USP40: variants seen among roughly 807,000 people sequenced by gnomAD.
USP40 encodes the protein ubiquitin specific peptidase 40.
Under a neutral mutation model 166.2 loss-of-function variants are expected in USP40, and 143 were observed. The observed-to-expected ratio is 0.86, with a 90% confidence interval of 0.75 to 0.99. The LOEUF is 0.99. Ranked by LOEUF, USP40 falls within the 50% of genes least tolerant of loss-of-function variation. The pLI is 0.00. For synonymous variants in USP40, 498 were observed against 524.0 expected (o/e 0.95, Z 0.68); for missense variants, 1,444 against 1,479.7 (o/e 0.98, Z 0.40).
rs746340562 is a variant in USP40 at position 233,521,040 on chromosome 2, T to G, written c.2276A>C (p.Gln759Pro). Residue 759 changes from glutamine to proline, a missense_variant, in exon 17 of 32, where the codon CAG (glutamine) becomes CCG (proline). Physicochemically the swap from Gln to Pro is moderately conservative, Grantham distance 76. Coordinates refer to ENST00000678225, the MANE Select transcript of USP40 (RefSeq NM_001365479.2). ...IDWLHVKNLCQLESEEKQVKI... is the reference protein window; with the variant it reads ...IDWLHVKNLCPLESEEKQVKI... ...AACTTGCTTCTCTTCAGATTCTAAC[T>G]GGCATAAATTTTTAACGTGGAGCCA... 1 of 1,613,612 alleles carries G rather than the reference T, an allele frequency of 6.2e-7. No individual in the cohort carries two copies. The highest frequency in any genetic ancestry group is 1.7e-5 in the Admixed American group (1 of 60,002).
Position 233,565,501 on chromosome 2 carries a change from A to G in USP40, c.54T>C (p.Tyr18=), listed in dbSNP as rs1335010639. 14 of 1,537,180 alleles carry G rather than the reference A, an allele frequency of 9.1e-6. No individual in the cohort carries two copies. The East Asian group carries it at 3.4e-4, about 37-fold the overall frequency. Residue 18 remains tyrosine (Y), a synonymous_variant, in exon 2 of 32, where the codon TAT becomes TAC. Transcript: ENST00000678225. ...EEYSTVSNNQ[Y]GKGKKLKTKA... ...TAGTCTTTAATTTCTTCCCTTTTCCATACTGATTATTAGACACAGTGGAAT... is the reference window on the plus strand; with the variant it reads ...TAGTCTTTAATTTCTTCCCTTTTCCGTACTGATTATTAGACACAGTGGAAT...
chr2:233,551,830 T>C (rs761001537), intron 6 of USP40, among the ~76,000 whole-genome samples: 5 of 152,246 alleles, frequency 3.3e-5, no homozygotes, highest in Non-Finnish European at 5.9e-5. Context: ...ACCTTCATCC[T>C]TGGTGTCTCC....
At chr2:233,488,105 C>T in intron 28 of USP40, 134 bp downstream of exon 28, 1 of 763,076 alleles carries the variant, frequency 1.3e-6, no homozygotes, top group East Asian at 2.7e-5. Flanking sequence ...TTCTAGCACA[C>T]ACTCTGTTTC....
At chr2:233,555,633 ACT>A (rs1001784366) in intron 5 of USP40, among the ~76,000 whole-genome samples, 10 of 130,370 alleles carry the variant, frequency 7.7e-5, no homozygotes, top group South Asian at 4.9e-4. Flanking sequence ...TTAAAAAATC[ACT>A]CTTTTTTTTT....
intron 18 of USP40, among the ~76,000 whole-genome samples, chr2:233,513,869 G>A (rs775583200): frequency 6.6e-6 from 1 of 152,084 alleles, no homozygotes; most frequent in Non-Finnish European, 1.5e-5. Flanking sequence ...GTGGGGGAAG[G>A]TTGAGTGTTC....
chr2:233,521,447 C>T (rs543195923), intron 16 of USP40, among the ~76,000 whole-genome samples: 101 of 152,292 alleles, frequency 6.6e-4, no homozygotes, highest in African/African-American at 2.4e-3. Context: ...GCCTACCCCA[C>T]TGGATCTAGA....
chr2:233,491,269 A>G lies in USP40; in HGVS notation c.2918-8T>C. ...GCTCGTTCCCAGAAGCACCTTCCAA[A>G]GGACAGAGCGGGATGTTTACAAGGA... On this transcript the variant is annotated splice_polypyrimidine_tract_variant and splice_region_variant and intron_variant, in intron 25 of 31. Transcript: ENST00000678225. 6.2e-7 allele frequency: 1 copy of G among 1,600,792 alleles called. No homozygotes were observed. The highest frequency in any genetic ancestry group is 8.5e-7 in the Non-Finnish European group (1 of 1,170,028).
chr2:233,551,327 C>T, intron 7 of USP40, 49 bp downstream of exon 7: 1 of 1,544,224 alleles, frequency 6.5e-7, no homozygotes, highest in Middle Eastern at 1.9e-4. Context: ...ATAATAGATT[C>T]AATCTTGAGA....
At chr2:233,484,336 C>T (rs1490257314) in intron 30 of USP40, among the ~76,000 whole-genome samples, 1 of 152,188 alleles carries the variant, frequency 6.6e-6, no homozygotes, top group Admixed American at 6.5e-5. Context: ...AAGAACATGA[C>T]GTGGCTCTAA....
intron 1 of USP40, among the ~76,000 whole-genome samples, chr2:233,566,087 A>C (rs2072114765): frequency 6.6e-6 from 1 of 151,694 alleles, no homozygotes; most frequent in Admixed American, 6.6e-5. Flanking sequence ...TAAACAGATC[A>C]AGTTAACTTT....
chr2:233,521,145 A>G, intron 16 of USP40, 31 bp from the exon 17 acceptor site: 1 of 1,593,804 alleles, frequency 6.3e-7, no homozygotes, highest in Non-Finnish European at 8.5e-7. Context: ...TCAGAAATTA[A>G]TACCTTTCCT....
chr2:233,492,606 A>T (rs1431325863), intron 25 of USP40: 1 of 152,236 alleles, frequency 6.6e-6, no homozygotes, highest in Non-Finnish European at 1.5e-5. Flanking sequence ...TTTATAGCTC[A>T]TTCAACATTA....
rs3214824 is a variant in USP40 at position 233,481,468 on chromosome 2, CG to C, written c.3505-172del. The C allele has an allele frequency of 1.1e-4, 67 of 624,808 alleles. No individual in the cohort carries two copies. The East Asian group carries it at 1.9e-3, about 17-fold the overall frequency. 38.7% of individuals were successfully genotyped at this position (624,808 alleles called of 1,614,324 possible). A position where few individuals can be genotyped will look rare whatever the true frequency, so the allele number is the denominator to read the frequency against. ...TCCTCTTGCTCGATGAAAACAAACTCGGGGGTGGCAAGAAGAGCTCCACAAG... is the reference window on the plus strand; with the variant it reads ...TCCTCTTGCTCGATGAAAACAAACTCGGGGTGGCAAGAAGAGCTCCACAAG... On this transcript the variant is annotated intron_variant, in intron 30 of 31. Transcript: ENST00000678225.
chr2:233,506,033 T>G (rs1363257401), intron 21 of USP40, among the ~76,000 whole-genome samples: 2 of 152,142 alleles, frequency 1.3e-5, no homozygotes, highest in East Asian at 3.9e-4. Context: ...AAAACCCAAA[T>G]AGTCAAAGCA....
At position 233,477,388 on chromosome 2, in the gene USP40, G is replaced by A. The variant is rs755701591; in HGVS notation, c.*4C>T. 1.7e-5 allele frequency: 28 copies of A among 1,612,862 alleles called. No individual in the cohort carries two copies. Among genetic ancestry groups the A allele is most frequent in the Middle Eastern group, 3.3e-4 (2 of 6,076 alleles). The stretch of plus-strand genomic sequence containing the variant: ...ATCGGGAGTAGAGCCGTGCAGCGGC[G>A]CGGTTATCTGAAGCTCCCCACGTGG... On this transcript the variant is annotated 3_prime_UTR_variant, in exon 32 of 32. Transcript: ENST00000678225.
rs147620283 is a variant in USP40 at position 233,485,061 on chromosome 2, C to G, written c.3504+470G>C. Among the ~76,000 whole-genome samples, 241 of 152,196 alleles carry G rather than the reference C, an allele frequency of 1.6e-3. 1 individual carries two copies. Among genetic ancestry groups the G allele is most frequent in the African/African-American group, 5.5e-3 (229 of 41,518 alleles). On this transcript the variant is annotated intron_variant, in intron 30 of 31. Transcript: ENST00000678225. ...CGTTTCCTTCTATTCCTAGTTTGCT[C>G]TAAGTTCTTTTTTAAAGTCATGAAC...
intron 7 of USP40, among the ~76,000 whole-genome samples, chr2:233,550,479 G>A (rs1465921521): frequency 2.6e-5 from 4 of 151,192 alleles, no homozygotes; most frequent in African/African-American, 9.7e-5. Context: ...TAGAACCTTT[G>A]AGTGGTAATT....
chr2:233,540,697 T>C lies in USP40; in HGVS notation c.1135A>G (p.Lys379Glu). 3.1e-6 allele frequency: 5 copies of C among 1,612,970 alleles called. No homozygotes were observed. The highest frequency in any genetic ancestry group is 1.3e-5 in the African/African-American group (1 of 75,010). Residue 379 changes from lysine (K) to glutamate (E), a missense_variant, in exon 10 of 32, where the codon AAG becomes GAG. By Grantham distance (56) the Lys-to-Glu change is moderately conservative (BLOSUM62 1). Transcript: ENST00000678225. ...LLKKIGISWN[K>E]KYRKQHGPLR... ...GGTCCATGCTGTTTTCTGTACTTCT[T>C]GTTCCAAGATATTCCTATCTTTTTC...
chr2:233,534,705 T>C (rs758939077), intron 10 of USP40, among the ~76,000 whole-genome samples: 1 of 152,236 alleles, frequency 6.6e-6, no homozygotes, highest in Non-Finnish European at 1.5e-5. Context: ...CTAGTTTGTT[T>C]AAGGTACAAA....
Sources: allele counts gnomAD v4.1 joint callset (sites outside exome capture counted in the v4.1 genomes callset), GRCh38; gene constraint gnomAD v4.1.1; transcripts MANE v1.5; gene names NCBI Gene and HGNC (gene_info 2026-07-23, HGNC 2026-07-21).